The following PGBD2 variants were observed in gnomAD, a reference collection of about 807,000 sequenced individuals.
PGBD2 encodes the protein piggyBac transposable element derived 2.
Under a neutral mutation model 8.1 loss-of-function variants are expected in PGBD2, and 6 were observed. That is an observed-to-expected ratio of 0.74 (90% CI 0.40 to 1.46). The LOEUF is 1.46. PGBD2 is among the 40% of genes most tolerant of loss of function. The pLI is 0.02. For missense variants in PGBD2, 802 were observed against 739.0 expected, an observed-to-expected ratio of 1.09 and a Z score of -0.99; for synonymous variants, 318 against 272.2, an observed-to-expected ratio of 1.17 and a Z score of -1.66.
chr1:248,887,456 C>T, the PGBD2 span, among the ~76,000 whole-genome samples: 15 of 152,274 alleles, frequency 9.9e-5, no homozygotes, highest in African/African-American at 3.6e-4. Context: ...AGAGGACATG[C>T]ATTTGGCAAG....
At chr1:248,878,182 CTT>C in the PGBD2 span, among the ~76,000 whole-genome samples, 18,454 of 141,504 alleles carry the variant, frequency 0.13, 1,870 homozygotes, top group African/African-American at 0.28. Flanking sequence ...TTTTCCATAT[CTT>C]TTTTTTTTTT....
At chr1:248,926,937 C>T in the PGBD2 span, among the ~76,000 whole-genome samples, 3 of 152,180 alleles carry the variant, frequency 2.0e-5, no homozygotes, top group Admixed American at 1.3e-4. Flanking sequence ...TGCTACCACC[C>T]CACAACCCCG....
chr1:248,881,854 C>A, the PGBD2 span, among the ~76,000 whole-genome samples: 3 of 152,084 alleles, frequency 2.0e-5, no homozygotes, highest in African/African-American at 7.2e-5. Flanking sequence ...TTATGGACTT[C>A]ATTTTAATTT....
chr1:248,875,687 T>C, the PGBD2 span, among the ~76,000 whole-genome samples: 5,876 of 152,302 alleles, frequency 0.039, 375 homozygotes, highest in African/African-American at 0.13. Context: ...TCTCTGGGTA[T>C]CTTTTTCAGA....
chr1:248,873,833 G>T, the PGBD2 span, among the ~76,000 whole-genome samples: 3 of 152,236 alleles, frequency 2.0e-5, no homozygotes, highest in Non-Finnish European at 4.4e-5. Context: ...GAGGCTAAGT[G>T]AGAAGCGCTC....
intron 1 of PGBD2, among the ~76,000 whole-genome samples, chr1:248,907,994 C>T (rs1353204884): frequency 6.6e-6 from 1 of 152,132 alleles, no homozygotes; most frequent in East Asian, 1.9e-4. Context: ...TTCAGAGTTT[C>T]AGAGTGTTGT....
chr1:248,900,284 C>T, the PGBD2 span, among the ~76,000 whole-genome samples: 1 of 151,978 alleles, frequency 6.6e-6, no homozygotes, highest in Non-Finnish European at 1.5e-5. Context: ...AATACAACAA[C>T]AACAAAAAAA....
At chr1:248,910,100 G>A (rs914550780) in intron 1 of PGBD2, among the ~76,000 whole-genome samples, 1 of 152,200 alleles carries the variant, frequency 6.6e-6, no homozygotes, top group Non-Finnish European at 1.5e-5. Context: ...ACACAAGTCA[G>A]GCTTCTTGAC....
downstream of PGBD2, among the ~76,000 whole-genome samples, chr1:248,920,301 C>T (rs1271454848): frequency 6.6e-6 from 1 of 152,036 alleles, no homozygotes; most frequent in Non-Finnish European, 1.5e-5. Context: ...CTCCCCTAGC[C>T]CCCCACCCCC....
At chr1:248,889,085 A>G in the PGBD2 span, among the ~76,000 whole-genome samples, 255 of 152,252 alleles carry the variant, frequency 1.7e-3, 3 homozygotes, top group African/African-American at 6.0e-3. Flanking sequence ...GAATGATAAA[A>G]ATAAAAAATG....
At chr1:248,924,270 T>C (rs1299360343), downstream of PGBD2, among the ~76,000 whole-genome samples, 3 of 152,256 alleles carry the variant, frequency 2.0e-5, no homozygotes, top group East Asian at 5.8e-4. Flanking sequence ...TGGGAGAGCA[T>C]GGCCTTCATG....
chr1:248,874,799 C>T, the PGBD2 span, among the ~76,000 whole-genome samples: 1 of 152,020 alleles, frequency 6.6e-6, no homozygotes, highest in East Asian at 1.9e-4. Flanking sequence ...TGAAATAATG[C>T]CACAACCAAC....
At chr1:248,901,333 T>G (rs573091999), upstream of PGBD2, among the ~76,000 whole-genome samples, 1 of 152,288 alleles carries the variant, frequency 6.6e-6, no homozygotes, top group Non-Finnish European at 1.5e-5. Context: ...GGTACCCGAC[T>G]TCAAACTATA....
chr1:248,904,209 A>T (rs997593284), upstream of PGBD2, among the ~76,000 whole-genome samples: 18 of 152,128 alleles, frequency 1.2e-4, no homozygotes, highest in African/African-American at 4.3e-4. Context: ...AAGCTTATTT[A>T]GCCTATTTCT....
chr1:248,914,327 G>A, intron 2 of PGBD2: 1 of 875,414 alleles, frequency 1.1e-6, no homozygotes, highest in Non-Finnish European at 1.4e-6. Context: ...ACTGGGTGAG[G>A]ACAGGTCAGG....
At chr1:248,889,914 T>C in the PGBD2 span, among the ~76,000 whole-genome samples, 2 of 149,804 alleles carry the variant, frequency 1.3e-5, no homozygotes, top group African/African-American at 5.1e-5. Context: ...CCTGAATCCT[T>C]TTCTTTTTCT....
chr1:248,874,215 G>A, the PGBD2 span, among the ~76,000 whole-genome samples: 1 of 152,170 alleles, frequency 6.6e-6, no homozygotes, highest in Non-Finnish European at 1.5e-5. Context: ...TATTTATTTA[G>A]TATAGCATAT....
downstream of PGBD2, among the ~76,000 whole-genome samples, chr1:248,922,413 T>C (rs1382067314): frequency 6.6e-6 from 1 of 152,220 alleles, no homozygotes; most frequent in Non-Finnish European, 1.5e-5. Context: ...CAGAGACCAT[T>C]TGACTTCCTC....
the PGBD2 span, among the ~76,000 whole-genome samples, chr1:248,878,086 T>C: frequency 1.3e-5 from 2 of 152,164 alleles, no homozygotes; most frequent in Non-Finnish European, 2.9e-5. Context: ...AGTATTTCTG[T>C]GTCCATTGGC....
Sources: allele counts gnomAD v4.1 joint callset (sites outside exome capture counted in the v4.1 genomes callset), GRCh38; gene constraint gnomAD v4.1.1; transcripts MANE v1.5; gene names NCBI Gene and HGNC (gene_info 2026-07-23, HGNC 2026-07-21).